Variants in CHD6 observed in about 807,000 individuals in gnomAD.
CHD6 encodes chromodomain helicase DNA binding protein 6.
CHD6 carries 50 observed loss-of-function variants against 276.9 expected under a neutral mutation model. That is an observed-to-expected ratio of 0.18 (90% CI 0.14 to 0.23). The LOEUF (loss-of-function observed/expected upper bound fraction) is 0.23, where lower values mean the gene tolerates loss of function less well. Among genes scored for constraint, CHD6 ranks in the 10% least tolerant of loss-of-function variants. The pLI is 1.00. For missense variants in CHD6, 2,564 were observed against 3,365.8 expected (o/e 0.76, Z 5.89); for synonymous variants, 1,173 against 1,229.3 (o/e 0.95, Z 0.96).
chr20:41,563,991 T>C (rs772084331), intron 1 of CHD6: 3 of 766,106 alleles, frequency 3.9e-6, no homozygotes, highest in African/African-American at 3.4e-5. Flanking sequence ...TTAATGTCTT[T>C]TGTGGTAGAA....
intron 1 of CHD6, among the ~76,000 whole-genome samples, chr20:41,601,976 C>T (rs1337524067): frequency 6.6e-6 from 1 of 152,188 alleles, no homozygotes; most frequent in African/African-American, 2.4e-5. Flanking sequence ...AGCTGATTAC[C>T]CTCACCACAC....
intron 2 of CHD6, among the ~76,000 whole-genome samples, chr20:41,534,639 A>G (rs1343837235): frequency 6.6e-6 from 1 of 152,178 alleles, no homozygotes; most frequent in Non-Finnish European, 1.5e-5. Context: ...GCCTAAATAC[A>G]AAGGGAATTG....
chr20:41,506,299 T>C (rs1021062192), intron 5 of CHD6, among the ~76,000 whole-genome samples: 6 of 152,134 alleles, frequency 3.9e-5, no homozygotes, highest in Admixed American at 2.6e-4. Context: ...CTAAACATCT[T>C]CCAATGTCTA....
At chr20:41,579,200 G>A (rs1388847322) in intron 1 of CHD6, among the ~76,000 whole-genome samples, 12 of 146,982 alleles carry the variant, frequency 8.2e-5, no homozygotes, top group African/African-American at 2.3e-4. Flanking sequence ...ACTTTGGGAC[G>A]CCGAGGTGGG....
At chr20:41,528,956 G>A (rs1004339180) in intron 3 of CHD6, among the ~76,000 whole-genome samples, 5 of 152,140 alleles carry the variant, frequency 3.3e-5, no homozygotes, top group Non-Finnish European at 7.4e-5. Context: ...CTATAGAAGA[G>A]GGACCATTTC....
At chr20:41,465,534 T>C (rs998334091) in intron 17 of CHD6, among the ~76,000 whole-genome samples, 1 of 152,140 alleles carries the variant, frequency 6.6e-6, no homozygotes, top group Non-Finnish European at 1.5e-5. Flanking sequence ...TGCAGAAGGT[T>C]AGGGAGTCAC....
At chr20:41,517,179 C>G (rs188476588) in intron 3 of CHD6, among the ~76,000 whole-genome samples, 2 of 152,232 alleles carry the variant, frequency 1.3e-5, no homozygotes, top group Non-Finnish European at 2.9e-5. Context: ...AACACAGGAA[C>G]AGAAAACCAA....
chr20:41,421,042 C>T lies in CHD6; in HGVS notation c.5593G>A (p.Asp1865Asn), dbSNP rs1473900343. 6.2e-7 allele frequency: 1 copy of T among 1,613,830 alleles called. No individual in the cohort carries two copies. The highest frequency in any genetic ancestry group is 2.2e-5 in the East Asian group (1 of 44,894). ...TTTTCCTCCTCTTCTTCCTCCTCATCACTGTGGTTCTGACTCAAAATCAAT... is the reference window on the plus strand; with the variant it reads ...TTTTCCTCCTCTTCTTCCTCCTCATTACTGTGGTTCTGACTCAAAATCAAT... ...SKLILSQNHS[D>N]EEEEEEENEE... The change falls in exon 31 of 37, where the codon GAT becomes AAT. Residue 1865 changes from aspartate to asparagine, a missense_variant. Coordinates refer to ENST00000373233, the MANE Select transcript of CHD6 (RefSeq NM_032221.5).
rs2048121850 is a variant in CHD6, at chr20:41,447,977, A to C, written c.3684-6T>G. On this transcript the variant is annotated splice_region_variant and splice_polypyrimidine_tract_variant and intron_variant, in intron 23 of 36. Coordinates refer to ENST00000373233, the MANE Select transcript of CHD6 (RefSeq NM_032221.5). ...TCCGGACTCGCAAAAGTACTCTATG[A>C]AAGGTGAACACATTAATGCAAACAA... 6.3e-7 allele frequency: 1 copy of C among 1,576,164 alleles called. No individual in the cohort carries two copies. Among genetic ancestry groups the C allele is most frequent in the South Asian group, 1.1e-5 (1 of 88,986 alleles).
intron 1 of CHD6, among the ~76,000 whole-genome samples, chr20:41,610,753 G>A (rs531510270): frequency 1.6e-4 from 22 of 134,852 alleles, no homozygotes; most frequent in African/African-American, 5.9e-4. Context: ...GTGAGACTCC[G>A]TCTCAAAAAA....
At chr20:41,455,545 A>G (rs1443630145) in intron 19 of CHD6, among the ~76,000 whole-genome samples, 1 of 152,198 alleles carries the variant, frequency 6.6e-6, no homozygotes, top group Admixed American at 6.5e-5. Flanking sequence ...AACTGAGAAT[A>G]GGAGTGTTTA....
chr20:41,454,836 T>C (rs1284523118), intron 19 of CHD6, 100 bp from the exon 20 acceptor site: 1 of 718,128 alleles, frequency 1.4e-6, no homozygotes, highest in African/African-American at 1.8e-5. Context: ...ATTATCTATT[T>C]GCATTCAAAA....
intron 16 of CHD6, among the ~76,000 whole-genome samples, chr20:41,477,410 T>C (rs957260121): frequency 5.9e-5 from 9 of 152,058 alleles, no homozygotes; most frequent in Non-Finnish European, 8.8e-5. Context: ...AATAGACTAT[T>C]TTACTAAACA....
At chr20:41,530,098 A>G (rs2044644273) in intron 3 of CHD6, among the ~76,000 whole-genome samples, 1 of 152,246 alleles carries the variant, frequency 6.6e-6, no homozygotes, top group African/African-American at 2.4e-5. Context: ...CAGTGCTGGC[A>G]GATAAACTCA....
In CHD6 at chr20:41,538,146, T is replaced by C. The variant is rs368437261; in HGVS notation, c.34-4576A>G. Among the ~76,000 whole-genome samples the C allele has an allele frequency of 4.5e-4, 67 of 149,862 alleles. 1 individual carries two copies. The highest frequency in any genetic ancestry group is 1.5e-3 in the African/African-American group (62 of 40,772). ...TGGGCGGATCACATGAGGTCAGGAGTTCAAGACCAGCCAGGCCAACATGGT... is the reference window on the plus strand; with the variant it reads ...TGGGCGGATCACATGAGGTCAGGAGCTCAAGACCAGCCAGGCCAACATGGT... On this transcript the variant is annotated intron_variant, in intron 2 of 36. Coordinates refer to ENST00000373233, the MANE Select transcript of CHD6 (RefSeq NM_032221.5).
At chr20:41,497,607 T>C (rs2043719159) in intron 7 of CHD6, 106 bp from the exon 8 acceptor site, 2 of 808,968 alleles carry the variant, frequency 2.5e-6, no homozygotes, top group South Asian at 1.4e-5. Context: ...AATAGTAAAA[T>C]GGTTTATTGT....
chr20:41,404,104 A>T lies in CHD6; in HGVS notation c.*489T>A. ...CTTAGTAATCATGATAAAATAGGGAAATATTTTAACTCAAAAATATGCACC... is the reference window on the plus strand; with the variant it reads ...CTTAGTAATCATGATAAAATAGGGATATATTTTAACTCAAAAATATGCACC... On this transcript the variant is annotated 3_prime_UTR_variant, in exon 37 of 37. Transcript: ENST00000373233. The T allele has an allele frequency of 9.5e-7, 1 of 1,052,232 alleles. No homozygotes were observed. Among genetic ancestry groups the T allele is most frequent in the African/African-American group, 1.7e-5 (1 of 60,510 alleles). The allele number at this position is 1,052,232 out of a possible 1,614,324, so 65.2% of individuals were successfully genotyped here. A position where few individuals can be genotyped will look rare whatever the true frequency, so the allele number is the denominator to read the frequency against.
At chr20:41,469,293 T>A (rs767250436) in intron 17 of CHD6, among the ~76,000 whole-genome samples, 2 of 152,172 alleles carry the variant, frequency 1.3e-5, no homozygotes, top group African/African-American at 2.4e-5. Context: ...CGCAGAACTG[T>A]GCAGCCCACC....
At chr20:41,584,196 T>C (rs1174203316) in intron 1 of CHD6, among the ~76,000 whole-genome samples, 1 of 152,114 alleles carries the variant, frequency 6.6e-6, no homozygotes, top group East Asian at 1.9e-4. Flanking sequence ...CTAGAGAGGT[T>C]ACATAAATTT....
Sources: gnomAD v4.1 joint callset for allele counts (sites outside exome capture counted in the v4.1 genomes callset) on GRCh38, gnomAD v4.1.1 for gene constraint, MANE v1.5 for transcripts, NCBI Gene and HGNC (gene_info 2026-07-23, HGNC 2026-07-21) for gene names.